The following ACVRL1 variants were observed in gnomAD, a reference collection of about 807,000 sequenced individuals.
ACVRL1 encodes the protein activin A receptor like type 1.
ACVRL1 carries 20 observed loss-of-function variants against 51.9 expected under a neutral mutation model. That is an observed-to-expected ratio of 0.39 (90% CI 0.27 to 0.56). The LOEUF is 0.56. Among genes scored for constraint, ACVRL1 ranks in the 20% least tolerant of loss-of-function variants. ACVRL1 has a pLI of 0.67. For missense variants in ACVRL1, 451 were observed against 670.3 expected, an observed-to-expected ratio of 0.67 and a Z score of 3.61; for synonymous variants, 288 against 280.9, an observed-to-expected ratio of 1.03 and a Z score of -0.25.
chr12:51,916,975 A>G (rs533692858), intron 8 of ACVRL1, among the ~76,000 whole-genome samples: 2 of 152,224 alleles, frequency 1.3e-5, no homozygotes, highest in Non-Finnish European at 2.9e-5. Flanking sequence ...CCCTGTCTCA[A>G]AAAAAGAAAA....
rs1430010562 is a variant in ACVRL1 at position 51,917,277 on chromosome 12, G to A, written c.1246+1044G>A. Among the ~76,000 whole-genome samples, 1 of 152,172 alleles carries A rather than the reference G, an allele frequency of 6.6e-6. No homozygotes were observed. The highest frequency in any genetic ancestry group is 1.5e-5 in the Non-Finnish European group (1 of 68,036). ...TCTGGCCCTTGATTTCCTCATGCAC[G>A]CAATGCATGTGAGTGCCTGCACTGC... On this transcript the variant is annotated intron_variant, in intron 8 of 9. Transcript: ENST00000388922. The surrounding 1 kb of genome is among the most constrained non-coding windows in gnomAD (Gnocchi z 4.2).
chr12:51,922,457 GCCCCTGGCTCAGGCCCACA>G lies in ACVRL1; in HGVS notation c.*1573_*1591del, dbSNP rs1232648523. 1.3e-5 allele frequency: 2 copies of G among 152,348 alleles called. No homozygotes were observed. Among genetic ancestry groups the G allele is most frequent in the African/African-American group, 4.8e-5 (2 of 41,444 alleles). 9.4% of individuals were successfully genotyped at this position (152,348 alleles called of 1,614,324 possible). On this transcript the variant is annotated 3_prime_UTR_variant, in exon 10 of 10. Coordinates refer to ENST00000388922, the MANE Select transcript of ACVRL1 (RefSeq NM_000020.3). ...CAAGAAGGCTCCAGCTCCCCTACTG[GCCCCTGGCTCAGGCCCACA>G]CCCCTGGCCAGGCCCAGAGAGTGTG...
In ACVRL1 at chr12:51,915,293, G is replaced by A. The variant is rs779485996; in HGVS notation, c.841G>A (p.Glu281Lys). ...GCTGTGGCTCATCACGCACTACCAC[G>A]AGCACGGCTCCCTCTACGACTTTCT... ...TQLWLITHYH[E>K]HGSLYDFLQR... Residue 281 changes from glutamate to lysine, a missense_variant, in exon 7 of 10, where the codon GAG (glutamate) becomes AAG (lysine). By Grantham distance (56) the Glu-to-Lys change is moderately conservative (BLOSUM62 1). Around this residue, in one of 2 missense-constraint regions of ACVRL1, gnomAD observed 259 missense variants for 453.4 expected, o/e 0.57. Coordinates refer to ENST00000388922, the MANE Select transcript of ACVRL1 (RefSeq NM_000020.3). 5.0e-6 allele frequency: 8 copies of A among 1,614,160 alleles called. No homozygotes were observed. In the South Asian group the frequency reaches 7.7e-5, roughly 16 times the overall value.
In ACVRL1 at chr12:51,913,732, A is replaced by G; in HGVS notation, c.487A>G (p.Ile163Val). The G allele has an allele frequency of 6.2e-7, 1 of 1,612,312 alleles. No homozygotes were observed. The highest frequency in any genetic ancestry group is 8.5e-7 in the Non-Finnish European group (1 of 1,180,020). The change falls in exon 4 of 10, where the codon ATC (isoleucine) becomes GTC (valine). Residue 163 changes from isoleucine (I) to valine (V), a missense_variant. Transcript: ENST00000388922. ...CAGCGAGCTGGGAGAGTCCAGTCTC[A>G]TCCTGAAAGCATCTGAGCAGGGCGA... ...LHSELGESSLILKASEQGDSM... is the reference protein window; with the variant it reads ...LHSELGESSLVLKASEQGDSM...
At chr12:51,907,199 A>G (rs549261187), upstream of ACVRL1, among the ~76,000 whole-genome samples, 1 of 151,362 alleles carries the variant, frequency 6.6e-6, no homozygotes, top group South Asian at 2.1e-4. The surrounding 1 kb of genome is among the most constrained non-coding windows in gnomAD (Gnocchi z 4.5). Context: ...CGGGACCCCT[A>G]TGGGACCCCC....
In ACVRL1 at chr12:51,922,796, G is replaced by A. The variant is rs1941013831; in HGVS notation, c.*1903G>A. ...CCCGCTCCTGCTGTAATGACCCAGA[G>A]TAGCCTCCCCAGGCCGGCATCTTAT... is the stretch of plus-strand genomic sequence containing the variant. On this transcript the variant is annotated 3_prime_UTR_variant, in exon 10 of 10. Transcript: ENST00000388922. The A allele has an allele frequency of 1.3e-5, 2 of 152,488 alleles. No homozygotes were observed. The highest frequency in any genetic ancestry group is 4.1e-4 in the South Asian group (2 of 4,838). 9.4% of individuals were successfully genotyped at this position (152,488 alleles called of 1,614,324 possible).
chr12:51,923,170 A>T lies in ACVRL1; in HGVS notation c.*2277A>T, dbSNP rs529631289. The T allele has an allele frequency of 6.6e-4, 101 of 152,706 alleles. 1 individual carries two copies. Among genetic ancestry groups the T allele is most frequent in the Non-Finnish European group, 1.2e-3 (79 of 68,170 alleles). 9.5% of individuals were successfully genotyped at this position (152,706 alleles called of 1,614,324 possible). ...GGAGTGACAGGGGACAGGTAGAGAG[A>T]AGGGGGCCCAATGGCCAGGGAGTGA... On this transcript the variant is annotated 3_prime_UTR_variant, in exon 10 of 10. Transcript: ENST00000388922.
chr12:51,911,653 G>C (rs1480522837), intron 1 of ACVRL1, among the ~76,000 whole-genome samples: 1 of 152,228 alleles, frequency 6.6e-6, no homozygotes, highest in Non-Finnish European at 1.5e-5. Flanking sequence ...GGAAACCTGG[G>C]ATGTACGCCT....
chr12:51,908,760 A>T (rs1044866516), intron 1 of ACVRL1, among the ~76,000 whole-genome samples: 3 of 152,206 alleles, frequency 2.0e-5, no homozygotes, highest in African/African-American at 7.2e-5. Context: ...CACTTTACAT[A>T]TGATGGGAAG....
In ACVRL1 at chr12:51,915,282, C is replaced by T. The variant is rs750085854; in HGVS notation, c.830C>T (p.Thr277Met). The part of the protein sequence containing the change: ...RNSSTQLWLI[T>M]HYHEHGSLYD... ...TCGAGCACGCAGCTGTGGCTCATCACGCACTACCACGAGCACGGCTCCCTC... is the reference window on the plus strand; with the variant it reads ...TCGAGCACGCAGCTGTGGCTCATCATGCACTACCACGAGCACGGCTCCCTC... The change falls in exon 7 of 10, where the codon ACG (threonine) becomes ATG (methionine). Residue 277 changes from threonine to methionine, a missense_variant. Coordinates refer to ENST00000388922, the MANE Select transcript of ACVRL1 (RefSeq NM_000020.3). 6 of 1,614,066 alleles carry T rather than the reference C, an allele frequency of 3.7e-6. No homozygotes were observed. The African/African-American group carries it at 5.3e-5, about 14-fold the overall frequency.
chr12:51,920,353 T>C (rs919900214), intron 9 of ACVRL1, among the ~76,000 whole-genome samples: 1 of 152,196 alleles, frequency 6.6e-6, no homozygotes, highest in African/African-American at 2.4e-5. Flanking sequence ...GGCCCCTTCC[T>C]ATGGATCTTG....
Position 51,913,552 on chromosome 12 carries a change from C to T in ACVRL1, c.314-7C>T, listed in dbSNP as rs1275586983. The T allele has an allele frequency of 6.9e-6, 11 of 1,595,432 alleles. No individual in the cohort carries two copies. The highest frequency in any genetic ancestry group is 8.5e-6 in the Non-Finnish European group (10 of 1,179,100). ...GGAAGCTGAGCCTCAGTGTCCCCCT[C>T]CCTCAGCCACCCAACCTCCTTCGGA... On this transcript the variant is annotated splice_region_variant and splice_polypyrimidine_tract_variant and intron_variant, in intron 3 of 9. Transcript: ENST00000388922.
Position 51,920,939 on chromosome 12 carries a change from T to TGGGGGGGGGGGGGG in ACVRL1, c.*52_*53insGGGGGGGGGGGGGG. 10 of 262,670 alleles carry TGGGGGGGGGGGGGG rather than the reference T, an allele frequency of 3.8e-5. No homozygotes were observed. Among genetic ancestry groups the TGGGGGGGGGGGGGG allele is most frequent in the East Asian group, 1.0e-4 (1 of 9,640 alleles). 16.3% of individuals were successfully genotyped at this position (262,670 alleles called of 1,614,324 possible). ...TTCTGCCTGCAGGGGGCTGGGGGGGTGGGGGGCAGTGGATGGTGCCCTATC... is the reference window on the plus strand; with the variant it reads ...TTCTGCCTGCAGGGGGCTGGGGGGGTGGGGGGGGGGGGGGGGGGGGCAGTGGATGGTGCCCTATC... On this transcript the variant is annotated 3_prime_UTR_variant, in exon 10 of 10. Transcript: ENST00000388922.
chr12:51,912,961 G>A (rs1381362471), intron 2 of ACVRL1, 138 bp from the exon 3 acceptor site: 1 of 1,285,704 alleles, frequency 7.8e-7, no homozygotes, highest in Non-Finnish European at 1.1e-6. Context: ...GGATGACTGA[G>A]GATGAAAGTA....
intron 9 of ACVRL1, 64 bp downstream of exon 9, chr12:51,919,179 C>T (rs576100542): frequency 1.7e-5 from 28 of 1,611,332 alleles, no homozygotes; most frequent in African/African-American, 6.7e-5. Context: ...TTTCTGGGCC[C>T]AGGAACTTGT....
rs901572467 is a variant in ACVRL1 at position 51,907,947 on chromosome 12, G to T, written c.-6+252G>T. 2.0e-5 allele frequency among the ~76,000 whole-genome samples: 3 copies of T among 152,222 alleles called. No individual in the cohort carries two copies. The highest frequency in any genetic ancestry group is 2.4e-5 in the African/African-American group (1 of 41,448). ...GTTCTAGTCGGGTGACCTGGGGTCAGTGACTTCACTTCTCTGTTCTCCTAC... is the reference window on the plus strand; with the variant it reads ...GTTCTAGTCGGGTGACCTGGGGTCATTGACTTCACTTCTCTGTTCTCCTAC... On this transcript the variant is annotated intron_variant, in intron 1 of 9. Coordinates refer to ENST00000388922, the MANE Select transcript of ACVRL1 (RefSeq NM_000020.3). The surrounding 1 kb of genome is among the most constrained non-coding windows in gnomAD (Gnocchi z 4.5).
rs143735377 is a variant in ACVRL1, at chr12:51,913,710, C to A, written c.465C>A (p.Ser155Arg). ...RRQEKQRGLH[S>R]ELGESSLILK... ...AGGAGAAGCAGCGTGGCCTGCACAG[C>A]GAGCTGGGAGAGTCCAGTCTCATCC... The change falls in exon 4 of 10, where the codon AGC (serine) becomes AGA (arginine). Residue 155 changes from serine (S) to arginine (R), a missense_variant. Ser to Arg is a moderately radical substitution (Grantham distance 110). Transcript: ENST00000388922. The A allele has an allele frequency of 1.9e-6, 3 of 1,611,808 alleles. No homozygotes were observed. Among genetic ancestry groups the A allele is most frequent in the East Asian group, 2.2e-5 (1 of 44,892 alleles).
Position 51,915,380 on chromosome 12 carries a change from C to T in ACVRL1, c.928C>T (p.Leu310=), listed in dbSNP as rs200993884. The T allele has an allele frequency of 5.6e-5, 91 of 1,614,052 alleles. No homozygotes were observed. The highest frequency in any genetic ancestry group is 8.5e-6 in the Non-Finnish European group (10 of 1,180,052). Residue 310 remains leucine (L), a synonymous_variant, in exon 7 of 10, where the codon CTG becomes TTG. Transcript: ENST00000388922. The part of the protein sequence containing the change: ...LRLAVSAACG[L]AHLHVEIFGT... ...GCTAGCTGTGTCCGCGGCATGCGGC[C>T]TGGCGCACCTGCACGTGGAGATCTT...
At position 51,913,186 on chromosome 12, in the gene ACVRL1, G is replaced by A; in HGVS notation, c.149G>A (p.Trp50Ter). 6.3e-7 allele frequency: 1 copy of A among 1,598,284 alleles called. No individual in the cohort carries two copies. ...HCKGPTCRGA[W>*]CTVVLVREEG... ...AAGGGGCCTACCTGCCGGGGGGCCT[G>A]GTGCACAGTAGTGCTGGTGCGGGAG... The change falls in exon 3 of 10, where the codon TGG becomes TAG. Residue 50 changes from tryptophan to a stop codon, truncating the protein, a stop_gained. Coordinates refer to ENST00000388922, the MANE Select transcript of ACVRL1 (RefSeq NM_000020.3). LOFTEE classifies it high-confidence loss of function.
Sources: gnomAD v4.1 joint callset for allele counts (sites outside exome capture counted in the v4.1 genomes callset) on GRCh38, gnomAD v4.1.1 for gene constraint, gnomAD v4.1.1 regional missense constraint, Gnocchi (gnomAD v3.1) non-coding constraint, MANE v1.5 for transcripts, NCBI Gene and HGNC (gene_info 2026-07-23, HGNC 2026-07-21) for gene names.